The following LMNTD1 variants were observed in gnomAD, a reference collection of about 807,000 sequenced individuals.
LMNTD1 encodes the protein lamin tail domain-containing protein 1.
Under a neutral mutation model 50.9 loss-of-function variants are expected in LMNTD1, and 35 were observed. The ratio of observed to expected loss-of-function variants is 0.69; its 90% CI spans 0.53 to 0.91. The LOEUF (loss-of-function observed/expected upper bound fraction) is 0.91. Ranked by LOEUF, LMNTD1 falls within the 40% of genes least tolerant of loss-of-function variation. The pLI is 0.00. For synonymous variants in LMNTD1, 153 were observed against 161.9 expected (o/e 0.94, Z 0.42); for missense variants, 470 against 475.5 (o/e 0.99, Z 0.11).
intron 9 of LMNTD1, among the ~76,000 whole-genome samples, chr12:25,478,648 G>T (rs1938346582): frequency 6.6e-6 from 1 of 152,134 alleles, no homozygotes; most frequent in South Asian, 2.1e-4. Flanking sequence ...AGCCCGGTGT[G>T]TTCGTGGGTA....
intron 9 of LMNTD1, among the ~76,000 whole-genome samples, chr12:25,477,228 C>T (rs540024031): frequency 2.0e-5 from 3 of 152,136 alleles, no homozygotes; most frequent in South Asian, 2.1e-4. Context: ...ATGGTAAAGA[C>T]ATCTTGAAGG....
intron 9 of LMNTD1, among the ~76,000 whole-genome samples, chr12:25,484,471 T>C (rs7307518): frequency 0.19 from 28,337 of 151,864 alleles, 2,946 homozygotes; most frequent in Middle Eastern, 0.24. Flanking sequence ...GAGTACATTA[T>C]GAGAGAATTG....
chr12:25,557,464 A>G (rs1258429796), upstream of LMNTD1: 1 of 152,216 alleles, frequency 6.6e-6, no homozygotes, highest in East Asian at 1.9e-4. Flanking sequence ...TTTTAGCAAT[A>G]GTTCAAAATA....
chr12:25,556,231 C>T (rs12580040), upstream of LMNTD1, among the ~76,000 whole-genome samples: 30,071 of 152,096 alleles, frequency 0.2, 3,647 homozygotes, highest in Middle Eastern at 0.32. Flanking sequence ...CCTCGGCTTC[C>T]CAAAGTGTTG....
intron 4 of LMNTD1, among the ~76,000 whole-genome samples, chr12:25,537,167 C>T (rs976312365): frequency 4.6e-5 from 7 of 152,204 alleles, no homozygotes; most frequent in African/African-American, 1.4e-4. Flanking sequence ...CCCACCATTG[C>T]CCAGGCTTGC....
chr12:25,619,244 C>A (rs1031628690), intron 1 of LMNTD1, among the ~76,000 whole-genome samples: 9 of 73,648 alleles, frequency 1.2e-4, no homozygotes, highest in African/African-American at 4.4e-4. Flanking sequence ...CTCTCTCTCT[C>A]TCTCTCTCTA....
At chr12:25,638,707 A>C (rs2136618196) in intron 1 of LMNTD1, among the ~76,000 whole-genome samples, 1 of 152,246 alleles carries the variant, frequency 6.6e-6, no homozygotes, top group South Asian at 2.1e-4. Flanking sequence ...AACACATTGC[A>C]TGTTGATAGA....
chr12:25,524,587 G>A (rs1006945523), intron 6 of LMNTD1, among the ~76,000 whole-genome samples: 1 of 152,172 alleles, frequency 6.6e-6, no homozygotes, highest in Admixed American at 6.5e-5. Context: ...AGTGCCTGGA[G>A]CAATGCACAT....
rs117135633 is a variant in LMNTD1 at position 25,618,325 on chromosome 12, C to A, written c.58+30169G>T. ...TCTTGATTGGAGAGCAGGCATCAAT[C>A]TTCTTAGAATCATTCGTCAGGTGAT... On this transcript the variant is annotated intron_variant, in intron 1 of 7. Coordinates refer to the LMNTD1 transcript ENST00000445693. 5.6e-3 allele frequency among the ~76,000 whole-genome samples: 854 copies of A among 152,244 alleles called. 3 individuals carry two copies. Among genetic ancestry groups the A allele is most frequent in the Non-Finnish European group, 1.0e-2 (677 of 68,010 alleles).
At chr12:25,580,982 C>A (rs1024100558) in intron 1 of LMNTD1, among the ~76,000 whole-genome samples, 1 of 152,122 alleles carries the variant, frequency 6.6e-6, no homozygotes, top group Non-Finnish European at 1.5e-5. Context: ...ATATAATCCC[C>A]CATGAACAGT....
At chr12:25,486,280 A>G (rs1281345194) in intron 9 of LMNTD1, among the ~76,000 whole-genome samples, 3 of 146,182 alleles carry the variant, frequency 2.1e-5, no homozygotes, top group Non-Finnish European at 4.5e-5. Flanking sequence ...TGTGAATGGG[A>G]GTTCACTCAT....
chr12:25,525,201 A>G (rs1045910775), intron 6 of LMNTD1, among the ~76,000 whole-genome samples: 1 of 152,212 alleles, frequency 6.6e-6, no homozygotes, highest in Non-Finnish European at 1.5e-5. Flanking sequence ...GTATATATGT[A>G]TGCTAATATT....
chr12:25,492,284 T>G (rs1313857043), intron 9 of LMNTD1, among the ~76,000 whole-genome samples: 3 of 152,244 alleles, frequency 2.0e-5, no homozygotes, highest in Non-Finnish European at 1.5e-5. Flanking sequence ...AGGTTGATAC[T>G]CTTAAAGGAT....
At chr12:25,483,772 C>A (rs1362776238) in intron 9 of LMNTD1, among the ~76,000 whole-genome samples, 1 of 146,628 alleles carries the variant, frequency 6.8e-6, no homozygotes, top group African/African-American at 2.6e-5. Flanking sequence ...CATTCCATCT[C>A]AAAAAAAAAA....
chr12:25,508,718 T>G (rs1940017278), intron 8 of LMNTD1, among the ~76,000 whole-genome samples: 2 of 152,182 alleles, frequency 1.3e-5, no homozygotes, highest in Admixed American at 1.3e-4. Flanking sequence ...TCACGCAGAC[T>G]TCTAGTACAA....
chr12:25,633,156 T>C (rs1946758007), intron 1 of LMNTD1, among the ~76,000 whole-genome samples: 1 of 152,072 alleles, frequency 6.6e-6, no homozygotes, highest in South Asian at 2.1e-4. Flanking sequence ...CACCTAAGAC[T>C]GGAGTTCCCA....
At chr12:25,619,754 G>A (rs1652111495) in intron 1 of LMNTD1, among the ~76,000 whole-genome samples, 1 of 152,186 alleles carries the variant, frequency 6.6e-6, no homozygotes, top group South Asian at 2.1e-4. Context: ...TCCCTTCTCT[G>A]CTCATCCCCC....
chr12:25,640,537 T>C (rs1345244691), intron 1 of LMNTD1, among the ~76,000 whole-genome samples: 3 of 151,928 alleles, frequency 2.0e-5, no homozygotes, highest in African/African-American at 7.3e-5. Flanking sequence ...TATATTGTGG[T>C]GATCACATAA....
chr12:25,586,987 C>T (rs772458315), intron 1 of LMNTD1, among the ~76,000 whole-genome samples: 38 of 152,210 alleles, frequency 2.5e-4, no homozygotes, highest in Non-Finnish European at 5.0e-4. Flanking sequence ...TCCAGCAGCA[C>T]TGAACCACAT....
Sources: allele counts gnomAD v4.1 joint callset (sites outside exome capture counted in the v4.1 genomes callset), GRCh38; gene constraint gnomAD v4.1.1; transcripts MANE v1.5; gene names NCBI Gene and HGNC (gene_info 2026-07-23, HGNC 2026-07-21).